The following CADM2 variants were observed in gnomAD, a reference collection of about 807,000 sequenced individuals.
CADM2 encodes cell adhesion molecule 2, also known as immunoglobulin superfamily member 4D.
Under a neutral mutation model 49.8 loss-of-function variants are expected in CADM2, and 12 were observed. That is an observed-to-expected ratio of 0.24 (90% CI 0.15 to 0.39). CADM2 has a LOEUF of 0.39. Ranked by LOEUF, CADM2 falls within the 10% of genes least tolerant of loss-of-function variation. The pLI, the probability that CADM2 is intolerant of heterozygous loss-of-function variation, is 1.00. For missense variants in CADM2, 378 were observed against 492.3 expected (o/e 0.77, Z 2.20); for synonymous variants, 214 against 175.4 (o/e 1.22, Z -1.74).
At chr3:85,496,942 C>T (rs2039930185) in intron 1 of CADM2, among the ~76,000 whole-genome samples, 1 of 152,196 alleles carries the variant, frequency 6.6e-6, no homozygotes, top group Admixed American at 6.5e-5. Context: ...CGCCCGGGCT[C>T]AAGGGATTCT....
rs1231438210 is a variant in CADM2 at position 85,769,539 on chromosome 3, ACG to A, written c.89-32507_89-32506del. 1.5e-3 allele frequency among the ~76,000 whole-genome samples: 176 copies of A among 115,158 alleles called. 4 individuals are homozygous for A. Among genetic ancestry groups the A allele is most frequent in the East Asian group, 5.2e-3 (20 of 3,864 alleles). The allele number at this position is 115,158 out of a possible 152,430, so 75.5% of individuals were successfully genotyped here. On this transcript the variant is annotated intron_variant, in intron 2 of 9. Transcript: ENST00000383699. ...CGTATATACATATATGTATATATAC[ACG>A]TATATACATATATGTATATATACAC... is the stretch of plus-strand genomic sequence containing the variant.
chr3:85,846,366 G>C (rs560330292), intron 3 of CADM2, among the ~76,000 whole-genome samples: 178 of 152,234 alleles, frequency 1.2e-3, no homozygotes, highest in African/African-American at 4.0e-3. Flanking sequence ...CTGAGCAACA[G>C]AGCTGTATAG....
chr3:85,982,237 G>T (rs1218103538), intron 8 of CADM2, among the ~76,000 whole-genome samples: 1 of 151,284 alleles, frequency 6.6e-6, no homozygotes, highest in Non-Finnish European at 1.5e-5. Flanking sequence ...TTTTTTTCAG[G>T]TTTCTTAACA....
intron 1 of CADM2, among the ~76,000 whole-genome samples, chr3:85,258,321 C>T (rs999114040): frequency 2.0e-5 from 3 of 152,068 alleles, no homozygotes; most frequent in African/African-American, 7.2e-5. Context: ...AATCAATTTT[C>T]ATGGTTTTCC....
At chr3:85,068,736 G>T (rs983144186) in intron 1 of CADM2, among the ~76,000 whole-genome samples, 4 of 151,880 alleles carry the variant, frequency 2.6e-5, no homozygotes, top group Non-Finnish European at 5.9e-5. Context: ...CATATTTAAA[G>T]TAAGCTTTTT....
chr3:85,802,329 A>T, intron 3 of CADM2, 133 bp downstream of exon 3: 1 of 743,046 alleles, frequency 1.3e-6, no homozygotes, highest in Non-Finnish European at 2.0e-6. Flanking sequence ...TAAACATGTT[A>T]AATATTAAAT....
chr3:85,041,008 G>C (rs1231198995), intron 1 of CADM2, among the ~76,000 whole-genome samples: 1 of 151,972 alleles, frequency 6.6e-6, no homozygotes, highest in Non-Finnish European at 1.5e-5. Context: ...TCTTTTTCTT[G>C]TAATTAAATA....
intron 1 of CADM2, among the ~76,000 whole-genome samples, chr3:85,489,923 A>G (rs1259429626): frequency 6.6e-6 from 1 of 152,056 alleles, no homozygotes; most frequent in Non-Finnish European, 1.5e-5. Flanking sequence ...TTATTTACAA[A>G]TATAACCCCA....
chr3:85,674,460 A>G (rs2065835426), intron 1 of CADM2, among the ~76,000 whole-genome samples: 1 of 152,186 alleles, frequency 6.6e-6, no homozygotes, highest in Admixed American at 6.5e-5. Context: ...GGTATCTTGC[A>G]AAGAAGTCAC....
chr3:85,546,197 A>G (rs1376469943), intron 1 of CADM2, among the ~76,000 whole-genome samples: 2 of 152,196 alleles, frequency 1.3e-5, no homozygotes, highest in South Asian at 4.1e-4. Flanking sequence ...TCAAAATTCT[A>G]GCACCATGCT....
intron 1 of CADM2, among the ~76,000 whole-genome samples, chr3:85,105,246 C>A (rs995660786): frequency 6.6e-6 from 1 of 151,992 alleles, no homozygotes; most frequent in Non-Finnish European, 1.5e-5. Context: ...AACAAATTTA[C>A]AAGGAAAAAA....
At chr3:85,429,052 A>G (rs970756043) in intron 1 of CADM2, among the ~76,000 whole-genome samples, 3 of 152,050 alleles carry the variant, frequency 2.0e-5, no homozygotes, top group East Asian at 1.9e-4. Context: ...TGACAATAAC[A>G]TATTATATGA....
intron 1 of CADM2, among the ~76,000 whole-genome samples, chr3:85,342,443 TTTA>T (rs1266039617): frequency 6.6e-6 from 1 of 152,102 alleles, no homozygotes; most frequent in African/African-American, 2.4e-5. Flanking sequence ...ATAATTTCAA[TTTA>T]TTATTTAATA....
chr3:85,180,875 C>T (rs1254128676), intron 1 of CADM2, among the ~76,000 whole-genome samples: 2 of 152,148 alleles, frequency 1.3e-5, no homozygotes, highest in African/African-American at 4.8e-5. Context: ...AAAGTTTTGG[C>T]TGACATAGAG....
intron 1 of CADM2, among the ~76,000 whole-genome samples, chr3:85,411,081 T>G (rs2035634877): frequency 6.6e-6 from 1 of 152,362 alleles, no homozygotes; most frequent in Non-Finnish European, 1.5e-5. Context: ...AAATGCATTC[T>G]GTCTTTGAAA....
intron 1 of CADM2, among the ~76,000 whole-genome samples, chr3:85,617,565 G>T (rs772585373): frequency 2.0e-5 from 3 of 152,102 alleles, no homozygotes; most frequent in African/African-American, 7.2e-5. Context: ...GCTTCATTAT[G>T]TAGACATGAT....
At chr3:85,580,539 G>A (rs558829546) in intron 1 of CADM2, among the ~76,000 whole-genome samples, 4 of 152,152 alleles carry the variant, frequency 2.6e-5, no homozygotes, top group African/African-American at 7.2e-5. Flanking sequence ...AAACTAATTA[G>A]CATTGCATAA....
chr3:85,724,245 T>G (rs989464068), intron 1 of CADM2, among the ~76,000 whole-genome samples: 1 of 151,970 alleles, frequency 6.6e-6, no homozygotes, highest in Non-Finnish European at 1.5e-5. Flanking sequence ...TTTTTTTCTC[T>G]TGTTTTAGTG....
intron 3 of CADM2, among the ~76,000 whole-genome samples, chr3:85,805,234 G>A (rs111704041): frequency 2.0e-5 from 3 of 152,098 alleles, no homozygotes; most frequent in Non-Finnish European, 4.4e-5. Flanking sequence ...ATGAGCCACC[G>A]TGCCGGGCCA....
Sources: allele counts gnomAD v4.1 joint callset (sites outside exome capture counted in the v4.1 genomes callset), GRCh38; gene constraint gnomAD v4.1.1; transcripts MANE v1.5; gene names NCBI Gene and HGNC (gene_info 2026-07-23, HGNC 2026-07-21).